The following FAM114A1 variants were observed in gnomAD, a reference collection of about 807,000 sequenced individuals.
FAM114A1 encodes the protein family with sequence similarity 114 member A1, also known as protein NOXP20.
In FAM114A1, 62 loss-of-function variants were observed where a neutral mutation model predicts 64.3. The ratio of observed to expected loss-of-function variants is 0.96; its 90% CI spans 0.79 to 1.19. The LOEUF (loss-of-function observed/expected upper bound fraction) is 1.19. Ranked by LOEUF, FAM114A1 falls within the 50% of genes most tolerant of loss-of-function variation. The pLI is 0.00. For missense variants in FAM114A1, 645 were observed against 676.3 expected, an observed-to-expected ratio of 0.95 and a Z score of 0.51; for synonymous variants, 254 against 251.1, an observed-to-expected ratio of 1.01 and a Z score of -0.11.
intron 3 of FAM114A1, among the ~76,000 whole-genome samples, 173 bp from the exon 4 acceptor site, chr4:38,891,570 A>T (rs929485808): frequency 6.6e-6 from 1 of 152,214 alleles, no homozygotes; most frequent in Admixed American, 6.5e-5. Context: ...TCCAAAGTAC[A>T]CATTGCAGTG....
intron 3 of FAM114A1, among the ~76,000 whole-genome samples, chr4:38,883,048 C>T (rs1369525671): frequency 6.6e-6 from 1 of 152,214 alleles, no homozygotes. Context: ...TGAGCCTTCT[C>T]CTGTAGGAAC....
In FAM114A1 at chr4:38,932,291, G is replaced by T. The variant is rs754310852; in HGVS notation, c.1380G>T (p.Glu460Asp). Residue 460 changes from glutamate to aspartate, a missense_variant, in exon 12 of 15, where the codon GAG becomes GAT. Glu to Asp is a conservative substitution (Grantham distance 45). Transcript: ENST00000358869. ...CGGAGGTAACAGCGCGCTGTATTGA[G>T]CAGCTTCATAAAGTAGCAGAATTAA... ...SLAEVTARCI[E>D]QLHKVAELIL... 6.2e-7 allele frequency: 1 copy of T among 1,613,918 alleles called. No individual in the cohort carries two copies. The highest frequency in any genetic ancestry group is 8.5e-7 in the Non-Finnish European group (1 of 1,179,990).
At chr4:38,943,364 G>A (rs1721723034) in intron 14 of FAM114A1, 92 bp from the exon 15 acceptor site, 3 of 1,038,876 alleles carry the variant, frequency 2.9e-6, no homozygotes, top group South Asian at 1.3e-5. Context: ...TATGGGGGGT[G>A]GGTTGAAGAG....
At chr4:38,926,726 G>A (rs968947315) in intron 9 of FAM114A1, among the ~76,000 whole-genome samples, 1 of 152,114 alleles carries the variant, frequency 6.6e-6, no homozygotes, top group African/African-American at 2.4e-5. Flanking sequence ...AAAGTGCTAG[G>A]ATTACAGGCG....
chr4:38,918,412 A>G (rs568319857), intron 8 of FAM114A1, among the ~76,000 whole-genome samples: 12 of 152,314 alleles, frequency 7.9e-5, no homozygotes, highest in African/African-American at 2.9e-4. Context: ...CAAGGTACAC[A>G]GGCCTCCAGC....
chr4:38,882,750 T>C (rs1420515894), intron 3 of FAM114A1, among the ~76,000 whole-genome samples: 42 of 118,098 alleles, frequency 3.6e-4, no homozygotes, highest in Admixed American at 3.3e-3. Flanking sequence ...TAAATGTGTG[T>C]GTGGTGTGTA....
At chr4:38,927,758 A>G (rs951678959) in intron 9 of FAM114A1, among the ~76,000 whole-genome samples, 19 of 152,208 alleles carry the variant, frequency 1.2e-4, no homozygotes, top group African/African-American at 4.1e-4. Flanking sequence ...ATCTCCGCTC[A>G]CTGCAACCTC....
intron 4 of FAM114A1, among the ~76,000 whole-genome samples, chr4:38,899,266 G>C (rs891459844): frequency 6.6e-6 from 1 of 152,088 alleles, no homozygotes; most frequent in Non-Finnish European, 1.5e-5. Context: ...TTACAGCAGA[G>C]GTCTTAACCT....
At position 38,911,832 on chromosome 4, in the gene FAM114A1, C is replaced by CT. The variant is rs112484537; in HGVS notation, c.793-3078dup. The stretch of plus-strand genomic sequence containing the variant: ...TACTCTTTCTTTTTCTTTCTTTCTT[C>CT]TTTTTTTTTTTCTTTTTTTTTCTTT... On this transcript the variant is annotated intron_variant, in intron 7 of 14. Transcript: ENST00000358869. Among the ~76,000 whole-genome samples the CT allele has an allele frequency of 9.8e-3, 1,191 of 121,178 alleles. 18 individuals are homozygous for CT. Among genetic ancestry groups the CT allele is most frequent in the African/African-American group, 0.031 (1,019 of 33,386 alleles). 79.5% of individuals were successfully genotyped at this position (121,178 alleles called of 152,430 possible).
At chr4:38,918,416 C>T (rs1719279672) in intron 8 of FAM114A1, among the ~76,000 whole-genome samples, 1 of 152,118 alleles carries the variant, frequency 6.6e-6, no homozygotes, top group Non-Finnish European at 1.5e-5. Context: ...GTACACAGGC[C>T]TCCAGCAAGA....
chr4:38,879,460 T>G (rs1021837638), intron 3 of FAM114A1, among the ~76,000 whole-genome samples: 12 of 152,194 alleles, frequency 7.9e-5, no homozygotes, highest in African/African-American at 2.9e-4. Context: ...TTTTCCTCTA[T>G]GAAGTGAAGA....
chr4:38,938,217 C>A (rs751144073), intron 13 of FAM114A1, among the ~76,000 whole-genome samples: 2 of 152,160 alleles, frequency 1.3e-5, no homozygotes. Context: ...TCTCATTGTG[C>A]AAACCTGCAG....
intron 4 of FAM114A1, among the ~76,000 whole-genome samples, chr4:38,900,171 C>A (rs937291956): frequency 1.3e-5 from 2 of 151,406 alleles, no homozygotes; most frequent in South Asian, 2.1e-4. Context: ...ATTAGAATGA[C>A]GTTTTGAAAA....
chr4:38,932,266 C>G lies in FAM114A1; in HGVS notation c.1355C>G (p.Ala452Gly), dbSNP rs745801701. 2 of 1,608,444 alleles carry G rather than the reference C, an allele frequency of 1.2e-6. No homozygotes were observed. The highest frequency in any genetic ancestry group is 1.3e-5 in the African/African-American group (1 of 74,478). Reference protein sequence around the residue: ...EVYMSSIESLAEVTARCIEQL... With the variant: ...EVYMSSIESLGEVTARCIEQL... ...TACATGTCGTCCATTGAAAGTCTGG[C>G]GGAGGTAACAGCGCGCTGTATTGAG... The change falls in exon 12 of 15, where the codon GCG becomes GGG. Residue 452 changes from alanine to glycine, a missense_variant. By Grantham distance (60) the Ala-to-Gly change is moderately conservative. Transcript: ENST00000358869.
intron 4 of FAM114A1, 29 bp downstream of exon 4, chr4:38,891,859 A>G: frequency 6.3e-7 from 1 of 1,579,188 alleles, no homozygotes; most frequent in Non-Finnish European, 8.6e-7. Flanking sequence ...ATTGGAATAG[A>G]CAAAGTACCA....
chr4:38,876,794 T>G (rs404318), intron 2 of FAM114A1, among the ~76,000 whole-genome samples: 3 of 151,722 alleles, frequency 2.0e-5, no homozygotes, highest in Non-Finnish European at 4.4e-5. Flanking sequence ...GAGGGGAGAG[T>G]GGTTTCTTTT....
intron 6 of FAM114A1, 102 bp from the exon 7 acceptor site, chr4:38,908,490 G>A (rs1005005729): frequency 4.3e-6 from 5 of 1,168,940 alleles, no homozygotes; most frequent in Middle Eastern, 4.2e-4. Flanking sequence ...ACTTTATATT[G>A]ATTTTAATAT....
intron 2 of FAM114A1, among the ~76,000 whole-genome samples, chr4:38,876,442 A>G (rs1456201711): frequency 1.3e-5 from 2 of 152,128 alleles, no homozygotes; most frequent in African/African-American, 4.8e-5. Context: ...AAGTGCTGGG[A>G]TTACAGGTGT....
chr4:38,936,780 T>C (rs1721146767), intron 13 of FAM114A1, among the ~76,000 whole-genome samples: 1 of 151,860 alleles, frequency 6.6e-6, no homozygotes. Flanking sequence ...CTTAAACTCC[T>C]GACCTAGTGA....
Sources: gnomAD v4.1 joint callset for allele counts (sites outside exome capture counted in the v4.1 genomes callset) on GRCh38, gnomAD v4.1.1 for gene constraint, MANE v1.5 for transcripts, NCBI Gene and HGNC (gene_info 2026-07-23, HGNC 2026-07-21) for gene names.